The following DNAJC4 variants were observed in gnomAD, a reference collection of about 807,000 sequenced individuals.
DNAJC4 encodes the protein DnaJ heat shock protein family (Hsp40) member C4.
Under a neutral mutation model 26.8 loss-of-function variants are expected in DNAJC4, and 26 were observed. The observed-to-expected ratio is 0.97, with a 90% confidence interval of 0.71 to 1.34. The LOEUF is 1.34. DNAJC4 is among the 40% of genes most tolerant of loss of function. The pLI, the probability that DNAJC4 is intolerant of heterozygous loss-of-function variation, is 0.00. For missense variants in DNAJC4, 342 were observed against 321.1 expected (o/e 1.07, Z -0.50); for synonymous variants, 134 against 127.8 (o/e 1.05, Z -0.33).
intron 2 of DNAJC4, chr11:64,232,225 G>A (rs750906523): frequency 8.1e-6 from 6 of 736,210 alleles, no homozygotes; most frequent in Non-Finnish European, 1.3e-5. Context: ...AATGCAGGGG[G>A]CTGGCAGGTG....
At chr11:64,233,680 C>T (rs537387369) in intron 4 of DNAJC4, 3 of 621,724 alleles carry the variant, frequency 4.8e-6, no homozygotes, top group Admixed American at 3.0e-5. Context: ...TGCTGTCACA[C>T]CTCAAAGTGA....
chr11:64,231,195 C>A, intron 1 of DNAJC4: 1 of 648,668 alleles, frequency 1.5e-6, no homozygotes, highest in Non-Finnish European at 2.8e-6. Context: ...CCAAGCATCG[C>A]TGTATCACTG....
At position 64,232,698 on chromosome 11, in the gene DNAJC4, C is replaced by T. The variant is rs977974004; in HGVS notation, c.366-6C>T. 6 of 1,584,968 alleles carry T rather than the reference C, an allele frequency of 3.8e-6. No homozygotes were observed. The highest frequency in any genetic ancestry group is 3.4e-4 in the Middle Eastern group (2 of 5,948). On this transcript the variant is annotated splice_region_variant and splice_polypyrimidine_tract_variant and intron_variant, in intron 3 of 5. Coordinates refer to ENST00000628077, the MANE Select transcript of DNAJC4 (RefSeq NM_005528.4). ...CCACAATGTCCCTTCCTCTGCCTCC[C>T]AGCAGCTCCTGGACACCCCCCAACG...
upstream of DNAJC4, chr11:64,230,530 G>A (rs1015442588): frequency 1.3e-5 from 8 of 599,326 alleles, no homozygotes; most frequent in East Asian, 3.5e-5. Flanking sequence ...AGCAGCGGGG[G>A]CGGGGCCTGG....
At chr11:64,232,296 G>A in intron 2 of DNAJC4, 134 bp from the exon 3 acceptor site, 1 of 1,164,548 alleles carries the variant, frequency 8.6e-7, no homozygotes, top group Non-Finnish European at 1.2e-6. Flanking sequence ...TGAGGAGTGG[G>A]CAGGCCTGAG....
At position 64,232,437 on chromosome 11, in the gene DNAJC4, C is replaced by G. The variant is rs763763877; in HGVS notation, c.188C>G (p.Pro63Arg). The change falls in exon 3 of 6, where the codon CCA (proline) becomes CGA (arginine). Residue 63 changes from proline to arginine, a missense_variant. Pro to Arg is a moderately radical substitution (Grantham distance 103, BLOSUM62 -2). Transcript: ENST00000628077. ...AGTCCTGCCCCACCCCAGCTGCACCCAGACCGGGACCCTGGGAACCCAAGC... is the reference window on the plus strand; with the variant it reads ...AGTCCTGCCCCACCCCAGCTGCACCGAGACCGGGACCCTGGGAACCCAAGC... ...AFFSKSKELH[P>R]DRDPGNPSLH... 6.3e-7 allele frequency: 1 copy of G among 1,584,418 alleles called. No homozygotes were observed. Among genetic ancestry groups the G allele is most frequent in the East Asian group, 2.3e-5 (1 of 44,322 alleles).
chr11:64,230,524 G>C, upstream of DNAJC4: 1 of 594,708 alleles, frequency 1.7e-6, no homozygotes, highest in Non-Finnish European at 3.1e-6. Context: ...TCTGTGAGCA[G>C]CGGGGGCGGG....
At position 64,230,618 on chromosome 11, in the gene DNAJC4, C is replaced by G. The variant is rs532741967; in HGVS notation, c.-237C>G. 1 of 636,404 alleles carries G rather than the reference C, an allele frequency of 1.6e-6. No homozygotes were observed. Among genetic ancestry groups the G allele is most frequent in the South Asian group, 1.8e-5 (1 of 54,656 alleles). The allele number at this position is 636,404 out of a possible 1,614,324, so 39.4% of individuals were successfully genotyped here. Reference sequence around the variant, plus strand: ...TGGGGTCCCTGGCTGGGTGGCCAGACCCCGAAGCCAGCGCTGGGAAGGGCT... The same window carrying G: ...TGGGGTCCCTGGCTGGGTGGCCAGAGCCCGAAGCCAGCGCTGGGAAGGGCT... On this transcript the variant is annotated 5_prime_UTR_variant, in exon 1 of 6. Coordinates refer to ENST00000628077, the MANE Select transcript of DNAJC4 (RefSeq NM_005528.4).
At chr11:64,230,450 TCCA>T, upstream of DNAJC4, 1 of 518,144 alleles carries the variant, frequency 1.9e-6, no homozygotes, top group Non-Finnish European at 3.7e-6. Context: ...GGTCTTGGCA[TCCA>T]CGCCAATGAG....
At chr11:64,231,341 C>CTT in intron 1 of DNAJC4, 1 of 174,246 alleles carries the variant, frequency 5.7e-6, no homozygotes, top group Non-Finnish European at 1.1e-5. Flanking sequence ...TTCTCTTTTT[C>CTT]CTTTTTTTTT....
chr11:64,233,987 C>G lies in DNAJC4; in HGVS notation c.614+7C>G. 6.2e-7 allele frequency: 1 copy of G among 1,614,074 alleles called. No homozygotes were observed. The highest frequency in any genetic ancestry group is 1.1e-5 in the South Asian group (1 of 91,088). ...AAGCCCGGGCACGGGCCAGGTCTGT[C>G]CCTGCTCTATTCTGCTCCCTGCTCC... On this transcript the variant is annotated splice_region_variant and intron_variant, in intron 5 of 5. Coordinates refer to ENST00000628077, the MANE Select transcript of DNAJC4 (RefSeq NM_005528.4).
Position 64,231,985 on chromosome 11 carries a change from G to A in DNAJC4, c.180+21G>A, listed in dbSNP as rs200377402. On this transcript the variant is annotated intron_variant, in intron 2 of 5. Transcript: ENST00000628077. ...AAGAGGTACCCGTACCCCTGAGGTG[G>A]GGAGGGGGAGCAGGAACTTTGAGCC... The A allele has an allele frequency of 5.6e-6, 9 of 1,612,696 alleles. No individual in the cohort carries two copies. In the African/African-American group the frequency reaches 1.2e-4, roughly 21 times the overall value.
At position 64,230,721 on chromosome 11, in the gene DNAJC4, G is replaced by A. The variant is rs1006116886; in HGVS notation, c.-134G>A. The A allele has an allele frequency of 1.6e-6, 2 of 1,272,370 alleles. No homozygotes were observed. The highest frequency in any genetic ancestry group is 2.2e-6 in the Non-Finnish European group (2 of 912,238). 78.8% of individuals were successfully genotyped at this position (1,272,370 alleles called of 1,614,324 possible). On this transcript the variant is annotated 5_prime_UTR_variant, in exon 1 of 6. Coordinates refer to ENST00000628077, the MANE Select transcript of DNAJC4 (RefSeq NM_005528.4). ...CCTGGGCAAGAACCGCCCCCTCTCC[G>A]GGCCTGCTTCAGTCTTCCTTTGCAG... is the stretch of plus-strand genomic sequence containing the variant.
At chr11:64,231,764 C>A in intron 1 of DNAJC4, 107 bp from the exon 2 acceptor site, 3 of 976,830 alleles carry the variant, frequency 3.1e-6, no homozygotes, top group Non-Finnish European at 4.9e-6. Flanking sequence ...CCTGTTTCAG[C>A]CCTGTCAGCT....
intron 4 of DNAJC4, chr11:64,233,613 G>T: frequency 4.2e-6 from 2 of 481,586 alleles, no homozygotes; most frequent in East Asian, 3.3e-5. Context: ...GTTCAGTGAT[G>T]GAGTTAGACG....
At chr11:64,232,668 C>T in intron 3 of DNAJC4, 36 bp from the exon 4 acceptor site, 1 of 1,579,692 alleles carries the variant, frequency 6.3e-7, no homozygotes, top group Non-Finnish European at 8.6e-7. Flanking sequence ...TGGGTAGTCT[C>T]ATTTCCACAA....
intron 2 of DNAJC4, 153 bp from the exon 3 acceptor site, chr11:64,232,277 C>G: frequency 1.0e-6 from 1 of 993,088 alleles, no homozygotes; most frequent in East Asian, 2.6e-5. Context: ...TCCATGCTCT[C>G]TGGCCTTCTG....
Position 64,230,667 on chromosome 11 carries a change from G to C in DNAJC4, c.-188G>C. ...CTGCGGATGCCCGGGTCAGAGGAAG[G>C]GGCAGGTCCAAGGACACGCGGGTCT... On this transcript the variant is annotated 5_prime_UTR_variant, in exon 1 of 6. Coordinates refer to ENST00000628077, the MANE Select transcript of DNAJC4 (RefSeq NM_005528.4). 1.3e-6 allele frequency: 1 copy of C among 764,014 alleles called. No homozygotes were observed. Among genetic ancestry groups the C allele is most frequent in the Admixed American group, 2.5e-5 (1 of 40,314 alleles). The allele number at this position is 764,014 out of a possible 1,614,324, so 47.3% of individuals were successfully genotyped here.
chr11:64,231,991 G>A (rs1338805648), intron 2 of DNAJC4, 27 bp downstream of exon 2: 3 of 1,611,594 alleles, frequency 1.9e-6, no homozygotes, highest in South Asian at 1.1e-5. Context: ...GGTGGGGAGG[G>A]GGAGCAGGAA....
Sources: gnomAD v4.1 joint callset for allele counts on GRCh38, gnomAD v4.1.1 for gene constraint, MANE v1.5 for transcripts, NCBI Gene and HGNC (gene_info 2026-07-23, HGNC 2026-07-21) for gene names.